The following IPO8 variants were observed in gnomAD, a reference collection of about 807,000 sequenced individuals.
The protein encoded by IPO8 is importin-8.
In IPO8, 65 loss-of-function variants were observed where a neutral mutation model predicts 141.2. The ratio of observed to expected loss-of-function variants is 0.46; its 90% confidence interval spans 0.38 to 0.57. The LOEUF is 0.57. Among genes scored for constraint, IPO8 ranks in the 20% least tolerant of loss-of-function variants. IPO8 has a pLI of 0.00. For missense variants in IPO8, 980 were observed against 1,246.8 expected (o/e 0.79, Z 3.22); for synonymous variants, 411 against 420.3 (o/e 0.98, Z 0.27).
At chr12:30,660,044 G>A (rs1366103138) in intron 16 of IPO8, among the ~76,000 whole-genome samples, 2 of 151,824 alleles carry the variant, frequency 1.3e-5, no homozygotes, top group Non-Finnish European at 2.9e-5. Flanking sequence ...CCAACGTGGT[G>A]AAACCCCATC....
rs201488715 is a variant in IPO8 at position 30,669,292 on chromosome 12, G to GA, written c.1045-11dup. The GA allele has an allele frequency of 0.16, 125,279 of 798,056 alleles. 7 individuals are homozygous for GA. Among genetic ancestry groups the GA allele is most frequent in the South Asian group, 0.22 (9,912 of 45,600 alleles). 49.4% of individuals were successfully genotyped at this position (798,056 alleles called of 1,614,324 possible). On this transcript the variant is annotated splice_polypyrimidine_tract_variant and intron_variant, in intron 9 of 24. Transcript: ENST00000256079. ...CATCTTCAGAGATATTCTAAAATGA[G>GA]AAAAAAAAAAAAACGTAACAAATGG...
chr12:30,653,363 C>T (rs1311698105), intron 17 of IPO8, among the ~76,000 whole-genome samples: 1 of 151,820 alleles, frequency 6.6e-6, no homozygotes, highest in Non-Finnish European at 1.5e-5. Context: ...AAGTTTTTTT[C>T]TATTTTATAA....
Position 30,634,234 on chromosome 12 carries a change from C to T in IPO8, c.2748G>A (p.Gln916=), listed in dbSNP as rs2052472431. The T allele has an allele frequency of 2.5e-6, 4 of 1,613,838 alleles. No homozygotes were observed. In the South Asian group the frequency reaches 3.3e-5, roughly 13 times the overall value. The part of the protein sequence containing the change: ...EETNVTAQAM[Q]SNNGRGEDEE... ...CATCTTCACCTCTTCCATTATTTGA[C>T]TGCATTGCTTGAGCAGTTACATTTG... is the stretch of plus-strand genomic sequence containing the variant. Residue 916 remains glutamine (Q), a synonymous_variant, in exon 23 of 25, where the codon CAG becomes CAA. Transcript: ENST00000256079.
intron 11 of IPO8, 47 bp from the exon 12 acceptor site, chr12:30,665,892 CT>C: frequency 1.6e-6 from 2 of 1,265,212 alleles, no homozygotes; most frequent in Non-Finnish European, 2.3e-6. Context: ...CTTTCATTGT[CT>C]TACTATAGTA....
chr12:30,675,795 G>T (rs2053112570), intron 6 of IPO8, among the ~76,000 whole-genome samples: 1 of 147,600 alleles, frequency 6.8e-6, no homozygotes, highest in South Asian at 2.1e-4. Context: ...AGTGAGCCAA[G>T]ATCATGCCAC....
chr12:30,649,515 A>T (rs2052696117), intron 19 of IPO8, among the ~76,000 whole-genome samples: 1 of 152,166 alleles, frequency 6.6e-6, no homozygotes, highest in Admixed American at 6.5e-5. Flanking sequence ...AGGCAACAAA[A>T]CTACAAAATG....
intron 18 of IPO8, 134 bp from the exon 19 acceptor site, chr12:30,652,423 G>GT (rs2052740997): frequency 6.2e-6 from 4 of 646,414 alleles, no homozygotes; most frequent in Non-Finnish European, 8.2e-6. Context: ...AGAAATGAAA[G>GT]TAATAAGTCT....
chr12:30,660,846 C>T (rs2052874502), intron 16 of IPO8, among the ~76,000 whole-genome samples: 1 of 151,854 alleles, frequency 6.6e-6, no homozygotes, highest in Non-Finnish European at 1.5e-5. Context: ...TGGTATTCCC[C>T]AAGAACCTAG....
chr12:30,690,291 AAG>A (rs1686726850), intron 2 of IPO8, among the ~76,000 whole-genome samples: 2 of 152,246 alleles, frequency 1.3e-5, no homozygotes, highest in Non-Finnish European at 2.9e-5. Context: ...GAGGAAAAAA[AAG>A]AGCTAGAAGA....
intron 20 of IPO8, among the ~76,000 whole-genome samples, chr12:30,647,112 A>G (rs1012485954): frequency 3.9e-5 from 6 of 152,232 alleles, no homozygotes; most frequent in Admixed American, 2.0e-4. Context: ...ATAAGAACAG[A>G]TAAGTACATA....
At chr12:30,693,828 CA>C (rs2053313201) in intron 1 of IPO8, among the ~76,000 whole-genome samples, 1 of 152,002 alleles carries the variant, frequency 6.6e-6, no homozygotes, top group Non-Finnish European at 1.5e-5. Flanking sequence ...CACTATGGGG[CA>C]GGGCAGAGTG....
chr12:30,666,234 C>T lies in IPO8; in HGVS notation c.1162G>A (p.Ala388Thr). 1 of 1,585,064 alleles carries T rather than the reference C, an allele frequency of 6.3e-7. No individual in the cohort carries two copies. The highest frequency in any genetic ancestry group is 1.1e-5 in the South Asian group (1 of 87,052). The change falls in exon 11 of 25, where the codon GCT (alanine) becomes ACT (threonine). Residue 388 changes from alanine to threonine, a missense_variant. By Grantham distance (58) the Ala-to-Thr change is moderately conservative. Around this residue, in one of 3 missense-constraint regions of IPO8, gnomAD observed 924 missense variants for 1,153.9 expected, o/e 0.80. Coordinates refer to ENST00000256079, the MANE Select transcript of IPO8 (RefSeq NM_006390.4). ...RMKFDIFEDY[A>T]SPTTAAQTLL... ...GTCTGGGCTGCTGTGGTGGGAGAAGCATAATCTTCAAAAATATCTAAGATT... is the reference window on the plus strand; with the variant it reads ...GTCTGGGCTGCTGTGGTGGGAGAAGTATAATCTTCAAAAATATCTAAGATT...
intron 1 of IPO8, among the ~76,000 whole-genome samples, chr12:30,691,578 A>G (rs1158280948): frequency 6.6e-6 from 1 of 152,218 alleles, no homozygotes; most frequent in African/African-American, 2.4e-5. Context: ...TCCAGAGTCC[A>G]CATATGCCTT....
rs1196838548 is a variant in IPO8, at chr12:30,647,556, G to A, written c.2268+1581C>T. Among the ~76,000 whole-genome samples the A allele has an allele frequency of 5.9e-5, 7 of 117,866 alleles. No homozygotes were observed. In the Admixed American group the frequency reaches 7.6e-4, roughly 13 times the overall value. 77.3% of individuals were successfully genotyped at this position (117,866 alleles called of 152,430 possible). On this transcript the variant is annotated intron_variant, in intron 20 of 24. Coordinates refer to ENST00000256079, the MANE Select transcript of IPO8 (RefSeq NM_006390.4). ...GGAGGTCAAGGCTGCAGTGAGCCAAGATTGTGCCACTGCACTCCAGCCCAG... is the reference window on the plus strand; with the variant it reads ...GGAGGTCAAGGCTGCAGTGAGCCAAAATTGTGCCACTGCACTCCAGCCCAG...
intron 21 of IPO8, among the ~76,000 whole-genome samples, chr12:30,639,274 A>T (rs1178186258): frequency 4.6e-5 from 7 of 152,218 alleles, no homozygotes; most frequent in African/African-American, 7.2e-5. Flanking sequence ...GTGTTTAAAA[A>T]AAATAAATAA....
chr12:30,653,726 C>T (rs1313939645), intron 17 of IPO8, among the ~76,000 whole-genome samples: 1 of 152,018 alleles, frequency 6.6e-6, no homozygotes, highest in Non-Finnish European at 1.5e-5. Flanking sequence ...CCAGGAAACA[C>T]AAATCTCAAC....
chr12:30,663,486 T>C lies in IPO8; in HGVS notation c.1594+3A>G. On this transcript the variant is annotated splice_donor_region_variant and intron_variant, in intron 14 of 24. Transcript: ENST00000256079. ...AGATGTCTAAAAGGTATTTTGGCTTTACCTTGTATCTGGTTAGAAATTAAA... is the reference window on the plus strand; with the variant it reads ...AGATGTCTAAAAGGTATTTTGGCTTCACCTTGTATCTGGTTAGAAATTAAA... 20 of 1,604,858 alleles carry C rather than the reference T, an allele frequency of 1.2e-5. No homozygotes were observed. Among genetic ancestry groups the C allele is most frequent in the Non-Finnish European group, 1.7e-5 (20 of 1,176,540 alleles).
At chr12:30,654,154 A>G (rs1304480218) in intron 17 of IPO8, among the ~76,000 whole-genome samples, 1 of 152,066 alleles carries the variant, frequency 6.6e-6, no homozygotes, top group Non-Finnish European at 1.5e-5. Context: ...ATCCATTTGC[A>G]GAAAATCAAA....
rs140268028 is a variant in IPO8 at position 30,689,479 on chromosome 12, C to T, written c.166+1017G>A. Among the ~76,000 whole-genome samples, 290 of 152,150 alleles carry T rather than the reference C, an allele frequency of 1.9e-3. 1 individual carries two copies. The highest frequency in any genetic ancestry group is 6.4e-3 in the African/African-American group (264 of 41,524). On this transcript the variant is annotated intron_variant, in intron 2 of 24. Transcript: ENST00000256079. ...ACCTTATAAAAGCAAAAAATAATTC[C>T]AACATCAGTGTTTTTCCATAGGATT...
Sources: allele counts gnomAD v4.1 joint callset (sites outside exome capture counted in the v4.1 genomes callset), GRCh38; gene constraint gnomAD v4.1.1; regional missense constraint gnomAD v4.1.1; transcripts MANE v1.5; gene names NCBI Gene and HGNC (gene_info 2026-07-23, HGNC 2026-07-21).